Variants in AMPD1 observed in about 807,000 individuals in gnomAD.
AMPD1 encodes adenosine monophosphate deaminase 1.
In AMPD1, 74 loss-of-function variants were observed where a neutral mutation model predicts 82.9. That is an observed-to-expected ratio of 0.89 (90% CI 0.74 to 1.08). The LOEUF (loss-of-function observed/expected upper bound fraction) is 1.08, where lower values mean the gene tolerates loss of function less well. Among genes scored for constraint, AMPD1 ranks in the 50% least tolerant of loss-of-function variants. AMPD1 has a pLI of 0.00. For synonymous variants in AMPD1, 333 were observed against 320.5 expected, an observed-to-expected ratio of 1.04 and a Z score of -0.42; for missense variants, 881 against 924.5, an observed-to-expected ratio of 0.95 and a Z score of 0.61.
Position 114,680,419 on chromosome 1 carries a change from T to A in AMPD1, c.607A>T (p.Asn203Tyr), listed in dbSNP as rs1293777930. Reference sequence around the variant, plus strand: ...TTCATTTTGAGGTGATAGCCCAGGTTTTCAGGAAGGTTGTCTGTTCGGAAG... The same window carrying A: ...TTCATTTTGAGGTGATAGCCCAGGTATTCAGGAAGGTTGTCTGTTCGGAAG... Reference protein sequence around the residue: ...DPFRTDNLPENLGYHLKMKDG... With the variant: ...DPFRTDNLPEYLGYHLKMKDG... Residue 203 changes from asparagine to tyrosine, a missense_variant, in exon 6 of 16, where the codon AAC (asparagine) becomes TAC (tyrosine). Asn to Tyr is a moderately radical substitution (Grantham distance 143). Transcript: ENST00000520113. 1.2e-6 allele frequency: 2 copies of A among 1,614,196 alleles called. No individual in the cohort carries two copies. The highest frequency in any genetic ancestry group is 3.3e-5 in the Admixed American group (2 of 60,026).
At chr1:114,690,152 T>G (rs1363888090) in intron 2 of AMPD1, among the ~76,000 whole-genome samples, 3 of 152,220 alleles carry the variant, frequency 2.0e-5, no homozygotes, top group Admixed American at 2.0e-4. Flanking sequence ...GTAGATGTCA[T>G]GTGTTCAAGC....
intron 4 of AMPD1, 175 bp from the exon 5 acceptor site, chr1:114,684,539 C>T: frequency 1.5e-6 from 1 of 685,594 alleles, no homozygotes. Context: ...CCTCCCAGAG[C>T]AGGTCCTGAA....
intron 1 of AMPD1, among the ~76,000 whole-genome samples, chr1:114,694,705 G>A (rs1441086592): frequency 6.6e-5 from 10 of 152,040 alleles, no homozygotes; most frequent in Admixed American, 2.6e-4. Flanking sequence ...CTAGCTGGGC[G>A]TGGTGGCAAG....
intron 1 of AMPD1, among the ~76,000 whole-genome samples, chr1:114,694,173 A>G (rs142001626): frequency 0.051 from 7,755 of 152,108 alleles, 239 homozygotes; most frequent in Middle Eastern, 0.085. Flanking sequence ...CCAAGATCGC[A>G]CCACTGCACT....
intron 5 of AMPD1, among the ~76,000 whole-genome samples, chr1:114,681,096 G>T (rs946538831): frequency 6.6e-6 from 1 of 152,164 alleles, no homozygotes; most frequent in African/African-American, 2.4e-5. Flanking sequence ...ACTGAAGTTT[G>T]TCATCAAAGG....
intron 2 of AMPD1, among the ~76,000 whole-genome samples, chr1:114,689,391 A>G (rs892099690): frequency 1.3e-5 from 2 of 152,182 alleles, no homozygotes; most frequent in Admixed American, 1.3e-4. Flanking sequence ...TTGTGGACAT[A>G]GGCCTCAATA....
chr1:114,688,118 G>A (rs928988246), intron 3 of AMPD1, among the ~76,000 whole-genome samples: 2 of 151,882 alleles, frequency 1.3e-5, no homozygotes, highest in African/African-American at 4.8e-5. Context: ...CATATACAGT[G>A]TTGGGGGGAA....
Position 114,679,699 on chromosome 1 carries a change from A to G in AMPD1, c.777T>C (p.Tyr259=). The change falls in exon 7 of 16, where the codon TAT becomes TAC. Residue 259 remains tyrosine (Y), a synonymous_variant. Transcript: ENST00000520113. ...ALIAQGPVKT[Y]THRRLKFLSS... ...AGAGGAACTTCAGGCGCCGGTGGGT[A>G]TAGGTCTTACTGTGAAAAATAAAAT... is the stretch of plus-strand genomic sequence containing the variant. 2.5e-6 allele frequency: 4 copies of G among 1,614,120 alleles called. No individual in the cohort carries two copies. Among genetic ancestry groups the G allele is most frequent in the Non-Finnish European group, 1.7e-6 (2 of 1,179,982 alleles).
At position 114,680,314 on chromosome 1, in the gene AMPD1, C is replaced by A; in HGVS notation, c.712G>T (p.Asp238Tyr). 2 of 1,614,118 alleles carry A rather than the reference C, an allele frequency of 1.2e-6. No individual in the cohort carries two copies. Among genetic ancestry groups the A allele is most frequent in the South Asian group, 1.1e-5 (1 of 91,076 alleles). The stretch of plus-strand genomic sequence containing the variant: ...AAATTCATATCGTCTAAGAAGGTGT[C>A]CAGATTTGGGTAAGGAAGTGGCTTA... ...EPKPLPYPNL[D>Y]TFLDDMNFLL... is the part of the protein sequence containing the mutation. The change falls in exon 6 of 16, where the codon GAC (aspartate) becomes TAC (tyrosine). Residue 238 changes from aspartate to tyrosine, a missense_variant. Physicochemically the swap from Asp to Tyr is radical, Grantham distance 160. Around this residue, in one of 2 missense-constraint regions of AMPD1, gnomAD observed 783 missense variants for 786.4 expected, o/e 1.00. Coordinates refer to ENST00000520113, the MANE Select transcript of AMPD1 (RefSeq NM_000036.3).
At chr1:114,678,772 A>C (rs1386096430) in intron 7 of AMPD1, among the ~76,000 whole-genome samples, 1 of 152,088 alleles carries the variant, frequency 6.6e-6, no homozygotes, top group Admixed American at 6.5e-5. Flanking sequence ...ATATCTGTAC[A>C]TCCAATTTAT....
rs763848203 is a variant in AMPD1 at position 114,679,595 on chromosome 1, A to G, written c.881T>C (p.Phe294Ser). Residue 294 changes from phenylalanine to serine, a missense_variant, in exon 7 of 16, where the codon TTT (phenylalanine) becomes TCT (serine). Physicochemically the swap from Phe to Ser is radical, Grantham distance 155 (BLOSUM62 -2). Coordinates refer to ENST00000520113, the MANE Select transcript of AMPD1 (RefSeq NM_000036.3). ...KELKNNPHRD[F>S]YNCRKVDTHI... The stretch of plus-strand genomic sequence containing the variant: ...AATGTTTACCTTCCTGCAGTTATAA[A>G]AATCTCGGTGGGGGTTGTTTTTCAG... 6.2e-7 allele frequency: 1 copy of G among 1,614,058 alleles called. No individual in the cohort carries two copies. Among genetic ancestry groups the G allele is most frequent in the African/African-American group, 1.3e-5 (1 of 75,042 alleles).
Position 114,684,307 on chromosome 1 carries a change from G to C in AMPD1, c.439C>G (p.Arg147Gly). Residue 147 changes from arginine to glycine, a missense_variant, in exon 5 of 16, where the codon CGT becomes GGT. Physicochemically the swap from Arg to Gly is moderately radical, Grantham distance 125 (BLOSUM62 -2). Coordinates refer to ENST00000520113, the MANE Select transcript of AMPD1 (RefSeq NM_000036.3). ...AACGACTTCTGCATGTATTTCTCAC[G>C]TATGCATAGTGCCCGATACAGACCT... ...CKGLYRALCI[R>G]EKYMQKSFQR... is the part of the protein sequence containing the mutation. The C allele has an allele frequency of 1.9e-6, 3 of 1,613,722 alleles. No individual in the cohort carries two copies. The highest frequency in any genetic ancestry group is 2.5e-6 in the Non-Finnish European group (3 of 1,179,964).
intron 2 of AMPD1, among the ~76,000 whole-genome samples, chr1:114,689,491 C>T (rs1570853603): frequency 6.6e-6 from 1 of 152,058 alleles, no homozygotes; most frequent in East Asian, 1.9e-4. Context: ...CTTAGTTTGG[C>T]AATGAATAAC....
chr1:114,684,517 G>C, intron 4 of AMPD1, 153 bp from the exon 5 acceptor site: 2 of 775,554 alleles, frequency 2.6e-6, no homozygotes. Flanking sequence ...ATTGACTTGG[G>C]ACCTGGATCT....
rs558286732 is a variant in AMPD1 at position 114,695,346 on chromosome 1, T to C, written c.22+104A>G. 2.7e-5 allele frequency: 41 copies of C among 1,512,066 alleles called. No individual in the cohort carries two copies. The Admixed American group carries it at 5.2e-4, about 19-fold the overall frequency. The allele number at this position is 1,512,066 out of a possible 1,614,324, so 93.7% of individuals were successfully genotyped here. On this transcript the variant is annotated intron_variant, in intron 1 of 15. Coordinates refer to ENST00000520113, the MANE Select transcript of AMPD1 (RefSeq NM_000036.3). The stretch of plus-strand genomic sequence containing the variant: ...TGTATGTTAAAGCTATCACGAACCC[T>C]AAATGAATGATCAAAGCTGATATGG...
intron 9 of AMPD1, 37 bp downstream of exon 9, chr1:114,677,873 A>T: frequency 6.3e-7 from 1 of 1,584,392 alleles, no homozygotes; most frequent in South Asian, 1.1e-5. Context: ...CTCAAGAACC[A>T]TGCCAGATAC....
At chr1:114,677,603 C>A in intron 9 of AMPD1, 89 bp from the exon 10 acceptor site, 1 of 1,544,046 alleles carries the variant, frequency 6.5e-7, no homozygotes, top group Non-Finnish European at 8.9e-7. Flanking sequence ...CTAACTCTTC[C>A]TTTCAGAATC....
intron 2 of AMPD1, among the ~76,000 whole-genome samples, chr1:114,691,660 T>C (rs1253350834): frequency 6.6e-6 from 1 of 152,140 alleles, no homozygotes; most frequent in East Asian, 1.9e-4. Context: ...GTGCGATTTC[T>C]CATGCCTCTA....
chr1:114,689,692 C>G (rs1391411676), intron 2 of AMPD1, among the ~76,000 whole-genome samples: 1 of 152,172 alleles, frequency 6.6e-6, no homozygotes, highest in Non-Finnish European at 1.5e-5. Context: ...TAGTGCATGC[C>G]TGTAATCCCA....
Sources: gnomAD v4.1 joint callset for allele counts (sites outside exome capture counted in the v4.1 genomes callset) on GRCh38, gnomAD v4.1.1 for gene constraint, gnomAD v4.1.1 regional missense constraint, MANE v1.5 for transcripts, NCBI Gene and HGNC (gene_info 2026-07-23, HGNC 2026-07-21) for gene names.